The following BICC1 variants were observed in gnomAD, a reference collection of about 807,000 sequenced individuals.
The protein encoded by BICC1 is protein bicaudal C homolog 1.
BICC1 carries 43 observed loss-of-function variants against 111.0 expected under a neutral mutation model. That is an observed-to-expected ratio of 0.39 (90% confidence interval 0.30 to 0.50). The LOEUF is 0.50. Ranked by LOEUF, BICC1 falls within the 20% of genes least tolerant of loss-of-function variation. The pLI, the probability that BICC1 is intolerant of heterozygous loss-of-function variation, is 0.88. For synonymous variants in BICC1, 467 were observed against 434.4 expected (o/e 1.07, Z -0.93); for missense variants, 1,091 against 1,203.2 (o/e 0.91, Z 1.38).
chr10:58,763,158 A>C (rs1038849391), intron 3 of BICC1, among the ~76,000 whole-genome samples: 1 of 152,242 alleles, frequency 6.6e-6, no homozygotes, highest in Non-Finnish European at 1.5e-5. Flanking sequence ...AAGATTGACC[A>C]TCCCTTCCAG....
intron 2 of BICC1, among the ~76,000 whole-genome samples, chr10:58,682,430 G>C (rs1043623087): frequency 2.0e-5 from 3 of 152,178 alleles, no homozygotes; most frequent in African/African-American, 2.4e-5. Context: ...CTAGATCCTT[G>C]AGGAATTGCC....
chr10:58,619,971 A>G (rs1845747877), intron 1 of BICC1, among the ~76,000 whole-genome samples: 1 of 152,168 alleles, frequency 6.6e-6, no homozygotes, highest in African/African-American at 2.4e-5. Flanking sequence ...AATTTCCAGT[A>G]GTTCTCACTT....
In BICC1 at chr10:58,804,504, C is replaced by A. The variant is rs140701341; in HGVS notation, c.2181+1262C>A. Among the ~76,000 whole-genome samples the A allele has an allele frequency of 7.5e-3, 1,140 of 151,980 alleles. 12 individuals are homozygous for A. Among genetic ancestry groups the A allele is most frequent in the Middle Eastern group, 0.031 (9 of 294 alleles). On this transcript the variant is annotated intron_variant, in intron 15 of 20. Transcript: ENST00000373886. ...CTGCACTCTAGCCTGGGAGAGAGAG[C>A]GAGACCCTGTCTCAAAAATTAAAAA...
intron 2 of BICC1, among the ~76,000 whole-genome samples, chr10:58,674,479 TAAAA>T (rs1839279648): frequency 6.6e-6 from 1 of 152,236 alleles, no homozygotes; most frequent in Non-Finnish European, 1.5e-5. Context: ...ATATTTATGT[TAAAA>T]CCATGCACTT....
intron 1 of BICC1, among the ~76,000 whole-genome samples, chr10:58,615,631 C>T (rs1845578167): frequency 2.0e-5 from 3 of 152,106 alleles, no homozygotes; most frequent in Admixed American, 2.0e-4. Flanking sequence ...AGCTGTCCAC[C>T]ACTCATCCAC....
chr10:58,823,311 A>G, intron 20 of BICC1: 2 of 985,274 alleles, frequency 2.0e-6, no homozygotes, highest in Non-Finnish European at 2.4e-6. Flanking sequence ...AAAGGTTGGT[A>G]TTTTCCCAAA....
At chr10:58,601,255 G>C (rs1437806706) in intron 1 of BICC1, among the ~76,000 whole-genome samples, 2 of 148,656 alleles carry the variant, frequency 1.3e-5, no homozygotes, top group African/African-American at 4.9e-5. Context: ...TGTGATGAAT[G>C]TTCCTAGTTT....
chr10:58,534,611 A>G (rs1842779780), intron 1 of BICC1, among the ~76,000 whole-genome samples: 1 of 151,678 alleles, frequency 6.6e-6, no homozygotes. Context: ...AAATAAATTC[A>G]AAAATAATGA....
chr10:58,782,894 G>A (rs1246495577), intron 3 of BICC1, among the ~76,000 whole-genome samples: 1 of 152,140 alleles, frequency 6.6e-6, no homozygotes, highest in Non-Finnish European at 1.5e-5. Context: ...CATAAGTGTG[G>A]TAAAAGTTGG....
intron 17 of BICC1, among the ~76,000 whole-genome samples, chr10:58,811,922 C>A (rs551464142): frequency 6.6e-6 from 1 of 152,036 alleles, no homozygotes; most frequent in East Asian, 1.9e-4. Context: ...TTCCTGAAGC[C>A]GAGGTGGGTA....
chr10:58,745,826 G>A (rs779332027), intron 3 of BICC1, among the ~76,000 whole-genome samples: 19 of 152,088 alleles, frequency 1.2e-4, no homozygotes, highest in South Asian at 4.2e-4. Context: ...ACCTTTTGCC[G>A]TGTAGCCTAA....
intron 1 of BICC1, among the ~76,000 whole-genome samples, chr10:58,617,495 C>T (rs1371430427): frequency 6.6e-6 from 1 of 152,194 alleles, no homozygotes; most frequent in African/African-American, 2.4e-5. Flanking sequence ...CTGAGGCACC[C>T]CTCCATTCCT....
intron 11 of BICC1, 102 bp downstream of exon 11, chr10:58,798,662 G>T: frequency 9.2e-7 from 1 of 1,087,416 alleles, no homozygotes; most frequent in Non-Finnish European, 1.3e-6. Flanking sequence ...GCAAAATTAG[G>T]GTTCAAAGCA....
intron 3 of BICC1, among the ~76,000 whole-genome samples, chr10:58,719,492 G>A (rs1840869807): frequency 7.4e-6 from 1 of 135,940 alleles, no homozygotes; most frequent in African/African-American, 2.7e-5. Flanking sequence ...CCTTATTCAT[G>A]CTTACATTTG....
chr10:58,684,826 C>G (rs890235762), intron 2 of BICC1, among the ~76,000 whole-genome samples: 1 of 152,186 alleles, frequency 6.6e-6, no homozygotes, highest in Admixed American at 6.5e-5. Flanking sequence ...AAACCAGCTC[C>G]TGAATTCATT....
At chr10:58,828,148 A>G (rs2133003514) in intron 20 of BICC1, among the ~76,000 whole-genome samples, 1 of 152,288 alleles carries the variant, frequency 6.6e-6, no homozygotes, top group South Asian at 2.1e-4. Context: ...AAAGTTATAC[A>G]TGGATTTTTG....
chr10:58,793,445 AT>A, intron 8 of BICC1, 38 bp from the exon 9 acceptor site: 1 of 1,569,616 alleles, frequency 6.4e-7, no homozygotes, highest in Non-Finnish European at 8.7e-7. Flanking sequence ...AAATGATTAA[AT>A]TTTTACCTCC....
In BICC1 at chr10:58,719,568, G is replaced by A. The variant is rs182897179; in HGVS notation, c.307+17425G>A. On this transcript the variant is annotated intron_variant, in intron 3 of 20. Coordinates refer to ENST00000373886, the MANE Select transcript of BICC1 (RefSeq NM_001080512.3). ...GTCGCCCAGGCTGGAGTGCAGTGGC[G>A]GGATCTCGGCTCACTGCAAGCTCCG... Among the ~76,000 whole-genome samples, 103 of 152,128 alleles carry A rather than the reference G, an allele frequency of 6.8e-4. 1 individual carries two copies. The highest frequency in any genetic ancestry group is 2.4e-3 in the African/African-American group (99 of 41,494).
chr10:58,772,385 T>C (rs1842643498), intron 3 of BICC1, among the ~76,000 whole-genome samples: 1 of 152,180 alleles, frequency 6.6e-6, no homozygotes, highest in African/African-American at 2.4e-5. Context: ...CTTATAATAG[T>C]AACTGAAAGG....
Sources: allele counts gnomAD v4.1 joint callset (sites outside exome capture counted in the v4.1 genomes callset), GRCh38; gene constraint gnomAD v4.1.1; transcripts MANE v1.5; gene names NCBI Gene and HGNC (gene_info 2026-07-23, HGNC 2026-07-21).